NOL10: variants seen among roughly 807,000 people sequenced by gnomAD.
The protein encoded by NOL10 is H_NH0074G24.1.
Under a neutral mutation model 103.5 loss-of-function variants are expected in NOL10, and 58 were observed. The ratio of observed to expected loss-of-function variants is 0.56; its 90% confidence interval spans 0.45 to 0.70. The LOEUF is 0.70. Ranked by LOEUF, NOL10 falls within the 30% of genes least tolerant of loss-of-function variation. The pLI is 0.00. For synonymous variants in NOL10, 287 were observed against 282.5 expected, an observed-to-expected ratio of 1.02 and a Z score of -0.16; for missense variants, 763 against 807.3, an observed-to-expected ratio of 0.95 and a Z score of 0.67.
rs540803391 is a variant in NOL10 at position 10,679,856 on chromosome 2, T to G, written c.211+2115A>C. On this transcript the variant is annotated intron_variant, in intron 3 of 20. Coordinates refer to ENST00000381685, the MANE Select transcript of NOL10 (RefSeq NM_024894.4). ...GGCTGGTCTCGAACTCCTGGCCTCA[T>G]GCAATCTGACTGCCTCAGCCTCCCA... Among the ~76,000 whole-genome samples, 172 of 152,142 alleles carry G rather than the reference T, an allele frequency of 1.1e-3. 1 individual carries two copies. Among genetic ancestry groups the G allele is most frequent in the African/African-American group, 4.0e-3 (167 of 41,522 alleles).
At chr2:10,635,967 CCT>C (rs1165302432) in intron 13 of NOL10, among the ~76,000 whole-genome samples, 1 of 152,206 alleles carries the variant, frequency 6.6e-6, no homozygotes. Flanking sequence ...CTCACCGTAA[CCT>C]CTGTCTGCCA....
intron 13 of NOL10, among the ~76,000 whole-genome samples, chr2:10,617,168 A>G (rs1186642517): frequency 6.6e-6 from 1 of 152,196 alleles, no homozygotes; most frequent in Non-Finnish European, 1.5e-5. Context: ...GAGATGATGG[A>G]CAGGGACCCA....
intron 19 of NOL10, among the ~76,000 whole-genome samples, chr2:10,581,881 G>T (rs1331437765): frequency 6.6e-6 from 1 of 152,144 alleles, no homozygotes; most frequent in African/African-American, 2.4e-5. Flanking sequence ...AGGTATAGAT[G>T]TGTGAGTGTG....
intron 1 of NOL10, among the ~76,000 whole-genome samples, chr2:10,686,174 T>C (rs914384296): frequency 3.3e-5 from 5 of 152,192 alleles, no homozygotes; most frequent in African/African-American, 4.8e-5. Flanking sequence ...GATGGTTATG[T>C]ATGCCATGGA....
At position 10,603,169 on chromosome 2, in the gene NOL10, C is replaced by G. The variant is rs753535102; in HGVS notation, c.1154-12G>C. 5 of 1,601,224 alleles carry G rather than the reference C, an allele frequency of 3.1e-6. No individual in the cohort carries two copies. The South Asian group carries it at 5.6e-5, about 18-fold the overall frequency. ...GAGGTGGGTGAGCCCTGGGAAAGGTCAAACAGAAGACAGCAGGTCCTTATG... is the reference window on the plus strand; with the variant it reads ...GAGGTGGGTGAGCCCTGGGAAAGGTGAAACAGAAGACAGCAGGTCCTTATG... On this transcript the variant is annotated splice_polypyrimidine_tract_variant and intron_variant, in intron 14 of 20. Coordinates refer to ENST00000381685, the MANE Select transcript of NOL10 (RefSeq NM_024894.4).
At chr2:10,608,205 C>A (rs1223490069) in intron 13 of NOL10, among the ~76,000 whole-genome samples, 1 of 152,102 alleles carries the variant, frequency 6.6e-6, no homozygotes, top group African/African-American at 2.4e-5. Context: ...TTTTAAATTT[C>A]TGTATAAATA....
At chr2:10,659,337 C>A in intron 9 of NOL10, 87 bp from the exon 10 acceptor site, 2 of 241,076 alleles carry the variant, frequency 8.3e-6, no homozygotes, top group Non-Finnish European at 1.7e-5. Context: ...CACTTCAAAT[C>A]TAATGGGGGG....
chr2:10,673,705 A>G, intron 4 of NOL10, 148 bp from the exon 5 acceptor site: 2 of 539,298 alleles, frequency 3.7e-6, no homozygotes, highest in South Asian at 3.3e-5. Context: ...GAAAATTGTC[A>G]TAGTATATTG....
chr2:10,644,006 T>C (rs894452296), intron 13 of NOL10, among the ~76,000 whole-genome samples: 2 of 152,184 alleles, frequency 1.3e-5, no homozygotes, highest in Non-Finnish European at 2.9e-5. Context: ...TCCCAGCACT[T>C]TGGGAGGCCC....
chr2:10,605,404 T>C (rs1676198641), intron 14 of NOL10, among the ~76,000 whole-genome samples: 1 of 152,260 alleles, frequency 6.6e-6, no homozygotes, highest in African/African-American at 2.4e-5. Context: ...ACTCTTAAGA[T>C]ATTCTATTTA....
intron 19 of NOL10, among the ~76,000 whole-genome samples, chr2:10,581,841 G>A (rs1246980010): frequency 6.6e-6 from 1 of 152,050 alleles, no homozygotes; most frequent in Non-Finnish European, 1.5e-5. Flanking sequence ...TGAGGAGTAT[G>A]AACCATTCAT....
At chr2:10,603,530 G>A (rs1282690439) in intron 14 of NOL10, among the ~76,000 whole-genome samples, 1 of 152,126 alleles carries the variant, frequency 6.6e-6, no homozygotes, top group Non-Finnish European at 1.5e-5. Context: ...AAGGGAGAGA[G>A]GAGAAACATT....
intron 20 of NOL10, among the ~76,000 whole-genome samples, chr2:10,572,585 TC>T (rs1381254766): frequency 6.6e-6 from 1 of 152,208 alleles, no homozygotes; most frequent in Non-Finnish European, 1.5e-5. Flanking sequence ...AGTGTCCACT[TC>T]CTTTTAGAGA....
intron 13 of NOL10, among the ~76,000 whole-genome samples, chr2:10,612,536 T>A (rs1490994871): frequency 6.6e-6 from 1 of 152,204 alleles, no homozygotes; most frequent in Non-Finnish European, 1.5e-5. Flanking sequence ...ACAGTCTCCA[T>A]CCGTATCCCA....
chr2:10,670,173 T>G (rs1183022121), intron 6 of NOL10, among the ~76,000 whole-genome samples: 1 of 152,168 alleles, frequency 6.6e-6, no homozygotes, highest in African/African-American at 2.4e-5. Context: ...TTTAGCACCA[T>G]ACTAACAGAA....
intron 20 of NOL10, among the ~76,000 whole-genome samples, chr2:10,572,926 C>T (rs185568207): frequency 7.9e-5 from 12 of 152,302 alleles, no homozygotes; most frequent in Middle Eastern, 3.4e-3. Context: ...CCATCCCTGG[C>T]GCCAAATGGT....
At chr2:10,654,643 G>A (rs1679704097) in intron 11 of NOL10, 96 bp from the exon 12 acceptor site, 1 of 604,726 alleles carries the variant, frequency 1.7e-6, no homozygotes, top group Admixed American at 3.5e-5. Flanking sequence ...CTACTCCTAT[G>A]TAAAGAAATA....
intron 13 of NOL10, among the ~76,000 whole-genome samples, chr2:10,635,902 T>C (rs1000005088): frequency 1.3e-5 from 2 of 152,046 alleles, no homozygotes; most frequent in Non-Finnish European, 2.9e-5. Context: ...GTATTTCTTA[T>C]TTTTTTTAAG....
chr2:10,621,378 G>C (rs543931965), intron 13 of NOL10, among the ~76,000 whole-genome samples: 4 of 152,202 alleles, frequency 2.6e-5, no homozygotes, highest in Non-Finnish European at 5.9e-5. Flanking sequence ...AGTATCGTTT[G>C]AGCCCAGGAA....
Sources: gnomAD v4.1 joint callset for allele counts (sites outside exome capture counted in the v4.1 genomes callset) on GRCh38, gnomAD v4.1.1 for gene constraint, MANE v1.5 for transcripts, NCBI Gene and HGNC (gene_info 2026-07-23, HGNC 2026-07-21) for gene names.